PECAM1: variants seen among roughly 807,000 people sequenced by gnomAD.
The protein encoded by PECAM1 is platelet and endothelial cell adhesion molecule 1, also known as platelet endothelial cell adhesion molecule.
In PECAM1, 8 loss-of-function variants were observed where a neutral mutation model predicts 13.8. That is an observed-to-expected ratio of 0.58 (90% confidence interval 0.34 to 1.05). The LOEUF (loss-of-function observed/expected upper bound fraction) is 1.05, where lower values mean the gene tolerates loss of function less well. Ranked by LOEUF, PECAM1 falls within the 50% of genes least tolerant of loss-of-function variation. The pLI, the probability that PECAM1 is intolerant of heterozygous loss-of-function variation, is 0.03. For synonymous variants in PECAM1, 136 were observed against 52.6 expected (o/e 2.58, Z -6.86); for missense variants, 304 against 141.2 (o/e 2.15, Z -5.84).
chr17:64,386,337 G>A (rs2036592185), intron 2 of PECAM1, among the ~76,000 whole-genome samples: 1 of 149,180 alleles, frequency 6.7e-6, no homozygotes, highest in African/African-American at 2.5e-5. Flanking sequence ...TCTGGGAGGT[G>A]AAGGTTGCAG....
chr17:64,362,513 G>A (rs912868227), intron 6 of PECAM1, among the ~76,000 whole-genome samples: 3 of 152,066 alleles, frequency 2.0e-5, no homozygotes, highest in Admixed American at 6.6e-5. Flanking sequence ...TTATCCGGGC[G>A]TGGTTGCGGG....
chr17:64,352,039 A>G (rs1277058059), intron 11 of PECAM1, among the ~76,000 whole-genome samples: 1 of 152,202 alleles, frequency 6.6e-6, no homozygotes, highest in African/African-American at 2.4e-5. Flanking sequence ...CCATCTGAGA[A>G]GATGTTTTAC....
chr17:64,324,389 C>T (rs1397260727), intron 15 of PECAM1, among the ~76,000 whole-genome samples: 2 of 152,180 alleles, frequency 1.3e-5, no homozygotes, highest in Non-Finnish European at 2.9e-5. Flanking sequence ...ATGTATTTCT[C>T]CTTCTCTCCA....
chr17:64,384,089 T>C (rs1342391235), intron 2 of PECAM1, among the ~76,000 whole-genome samples: 1 of 152,044 alleles, frequency 6.6e-6, no homozygotes, highest in Non-Finnish European at 1.5e-5. Context: ...CAAGATCACA[T>C]CATTGCACTC....
At chr17:64,354,870 C>A (rs1333738493) in intron 9 of PECAM1, 63 bp downstream of exon 9, 1 of 472,062 alleles carries the variant, frequency 2.1e-6, no homozygotes, top group African/African-American at 2.0e-5. Context: ...AAGCACCACG[C>A]ATCCCTGGCT....
intron 2 of PECAM1, among the ~76,000 whole-genome samples, chr17:64,387,792 G>C (rs1167663799): frequency 1.3e-5 from 2 of 152,214 alleles, no homozygotes; most frequent in African/African-American, 4.8e-5. Context: ...AGGTGAGGCA[G>C]CTGCAGTGAG....
In PECAM1 at chr17:64,348,245, T is replaced by A. The variant is rs2035630729; in HGVS notation, c.2107+15A>T. 2 of 475,018 alleles carry A rather than the reference T, an allele frequency of 4.2e-6. No homozygotes were observed. Among genetic ancestry groups the A allele is most frequent in the African/African-American group, 4.0e-5 (2 of 50,472 alleles). 29.4% of individuals were successfully genotyped at this position (475,018 alleles called of 1,614,324 possible). On this transcript the variant is annotated intron_variant, in intron 13 of 15. Transcript: ENST00000563924. The stretch of plus-strand genomic sequence containing the variant: ...CCAAAGGCAATGCCTGGGGACTCAC[T>A]CGAGTGGCACTTACCTTTGTGAGAC...
At position 64,323,811 on chromosome 17, in the gene PECAM1, G is replaced by T; in HGVS notation, c.*5C>A. 2.2e-6 allele frequency: 2 copies of T among 900,746 alleles called. No individual in the cohort carries two copies. Among genetic ancestry groups the T allele is most frequent in the Non-Finnish European group, 3.8e-6 (2 of 528,032 alleles). The allele number at this position is 900,746 out of a possible 1,614,324, so 55.8% of individuals were successfully genotyped here. On this transcript the variant is annotated 3_prime_UTR_variant, in exon 16 of 16. Transcript: ENST00000563924. ...CTTCCAGGGATGTGCATCTGGCCTT[G>T]CTGTCTAAGTTCCATCAAGGGAGCC...
At chr17:64,339,309 C>T (rs1055308441) in intron 14 of PECAM1, among the ~76,000 whole-genome samples, 8 of 152,250 alleles carry the variant, frequency 5.3e-5, no homozygotes, top group Middle Eastern at 3.4e-3. Flanking sequence ...CTTGGGCAAG[C>T]GTCTTAACCT....
chr17:64,323,682 C>T lies in PECAM1; in HGVS notation c.*134G>A. 1 of 1,533,690 alleles carries T rather than the reference C, an allele frequency of 6.5e-7. No individual in the cohort carries two copies. Among genetic ancestry groups the T allele is most frequent in the Non-Finnish European group, 8.8e-7 (1 of 1,138,152 alleles). On this transcript the variant is annotated 3_prime_UTR_variant, in exon 16 of 16. Transcript: ENST00000563924. Reference sequence around the variant, plus strand: ...ATGGATTTAAGAACCGGCAGCTTAGCCTGAGGAATTGCTGTGTTCTGTGGG... The same window carrying T: ...ATGGATTTAAGAACCGGCAGCTTAGTCTGAGGAATTGCTGTGTTCTGTGGG...
At chr17:64,355,736 T>C (rs1268429653) in intron 8 of PECAM1, among the ~76,000 whole-genome samples, 3 of 152,190 alleles carry the variant, frequency 2.0e-5, no homozygotes, top group South Asian at 4.2e-4. Context: ...TCAGCCCTCT[T>C]CCTCTCCAGG....
At chr17:64,333,471 G>A (rs1343538210) in intron 14 of PECAM1, among the ~76,000 whole-genome samples, 3 of 151,958 alleles carry the variant, frequency 2.0e-5, no homozygotes, top group Non-Finnish European at 2.9e-5. Flanking sequence ...GGTGGGGAGG[G>A]GGCTGTCCTG....
intron 2 of PECAM1, among the ~76,000 whole-genome samples, chr17:64,380,026 A>G (rs2036447743): frequency 6.8e-6 from 1 of 145,986 alleles, no homozygotes; most frequent in South Asian, 2.1e-4. Flanking sequence ...TCCTGTCTCA[A>G]AAAAAAAAAA....
Position 64,322,046 on chromosome 17 carries a change from G to T in PECAM1, c.*1770C>A. The T allele has an allele frequency of 8.6e-7, 1 of 1,161,744 alleles. No individual in the cohort carries two copies. Among genetic ancestry groups the T allele is most frequent in the Non-Finnish European group, 1.1e-6 (1 of 919,290 alleles). The allele number at this position is 1,161,744 out of a possible 1,614,324, so 72.0% of individuals were successfully genotyped here. A position where few individuals can be genotyped will look rare whatever the true frequency, so the allele number is the denominator to read the frequency against. ...TACAACTCGGTGTGTGTGTGTTGGG[G>T]AAAGGAACCAACAGCTTTCATCATA... On this transcript the variant is annotated 3_prime_UTR_variant, in exon 16 of 16. Coordinates refer to ENST00000563924, the MANE Select transcript of PECAM1 (RefSeq NM_000442.5).
chr17:64,387,770 C>A (rs934099187), intron 2 of PECAM1, among the ~76,000 whole-genome samples: 1 of 152,136 alleles, frequency 6.6e-6, no homozygotes, highest in Non-Finnish European at 1.5e-5. Context: ...ATGGAGCAGC[C>A]GTCACCTCCT....
intron 5 of PECAM1, among the ~76,000 whole-genome samples, chr17:64,368,227 T>C (rs1454948949): frequency 1.3e-5 from 2 of 152,214 alleles, no homozygotes; most frequent in Admixed American, 6.5e-5. Context: ...GTTAAGGATA[T>C]AGCACTGAAC....
At chr17:64,341,096 CAA>C (rs147972145) in intron 14 of PECAM1, among the ~76,000 whole-genome samples, 10 of 115,986 alleles carry the variant, frequency 8.6e-5, no homozygotes, top group Admixed American at 9.1e-5. Context: ...AACTCTGTCT[CAA>C]AAAAAAAAAA....
Position 64,323,132 on chromosome 17 carries a change from GAA to G in PECAM1, c.*682_*683del, listed in dbSNP as rs1260255786. The G allele has an allele frequency of 1.7e-5, 17 of 985,698 alleles. No individual in the cohort carries two copies. Among genetic ancestry groups the G allele is most frequent in the Non-Finnish European group, 1.9e-5 (16 of 830,114 alleles). 61.1% of individuals were successfully genotyped at this position (985,698 alleles called of 1,614,324 possible). A position where few individuals can be genotyped will look rare whatever the true frequency, so the allele number is the denominator to read the frequency against. On this transcript the variant is annotated 3_prime_UTR_variant, in exon 16 of 16. Coordinates refer to ENST00000563924, the MANE Select transcript of PECAM1 (RefSeq NM_000442.5). ...GCCTTCAGCATGGTAGAGGAAAAGA[GAA>G]AGAGTGTAGACAAAAACAGTTGAAG...
At chr17:64,380,149 T>C (rs1223878010) in intron 2 of PECAM1, among the ~76,000 whole-genome samples, 2 of 151,860 alleles carry the variant, frequency 1.3e-5, no homozygotes, top group East Asian at 1.9e-4. Context: ...CTGACCAACA[T>C]GGTGAAACCC....
Sources: allele counts gnomAD v4.1 joint callset (sites outside exome capture counted in the v4.1 genomes callset), GRCh38; gene constraint gnomAD v4.1.1; transcripts MANE v1.5; gene names NCBI Gene and HGNC (gene_info 2026-07-23, HGNC 2026-07-21).